The following RBM19 variants were observed in gnomAD, a reference collection of about 807,000 sequenced individuals.
RBM19 encodes RNA binding motif protein 19.
RBM19 carries 94 observed loss-of-function variants against 116.8 expected under a neutral mutation model. The ratio of observed to expected loss-of-function variants is 0.80; its 90% CI spans 0.68 to 0.95. The LOEUF (loss-of-function observed/expected upper bound fraction) is 0.95, where lower values mean the gene tolerates loss of function less well. Among genes scored for constraint, RBM19 ranks in the 40% least tolerant of loss-of-function variants. RBM19 has a pLI of 0.00. For missense variants in RBM19, 1,161 were observed against 1,220.7 expected (o/e 0.95, Z 0.73); for synonymous variants, 475 against 494.1 (o/e 0.96, Z 0.51).
At chr12:113,965,956 G>A (rs1183086858) in intron 1 of RBM19, among the ~76,000 whole-genome samples, 1 of 152,170 alleles carries the variant, frequency 6.6e-6, no homozygotes, top group Non-Finnish European at 1.5e-5. Flanking sequence ...CCGAGAAGAG[G>A]TGTGTTAGGA....
chr12:113,924,689 C>G lies in RBM19; in HGVS notation c.2305+8G>C. 6.5e-7 allele frequency: 1 copy of G among 1,536,312 alleles called. No individual in the cohort carries two copies. ...TACTGAACACTTTCCGAATTTCATGCGGAATACCTGCTTTGTTCTTCTTCT... is the reference window on the plus strand; with the variant it reads ...TACTGAACACTTTCCGAATTTCATGGGGAATACCTGCTTTGTTCTTCTTCT... On this transcript the variant is annotated splice_region_variant and intron_variant, in intron 18 of 23. Transcript: ENST00000261741.
chr12:113,891,137 G>A (rs994482616), intron 21 of RBM19, among the ~76,000 whole-genome samples: 8 of 152,048 alleles, frequency 5.3e-5, no homozygotes, highest in Non-Finnish European at 1.0e-4. Context: ...AACCCATGGG[G>A]CTATTTCCTA....
At chr12:113,940,484 C>T (rs1253993238) in intron 14 of RBM19, among the ~76,000 whole-genome samples, 2 of 152,188 alleles carry the variant, frequency 1.3e-5, no homozygotes, top group East Asian at 1.9e-4. Context: ...AGTACCAAGG[C>T]TTTTTTTCCT....
intron 23 of RBM19, among the ~76,000 whole-genome samples, chr12:113,826,258 G>A (rs1015090157): frequency 1.3e-5 from 2 of 152,200 alleles, no homozygotes; most frequent in Non-Finnish European, 1.5e-5. Flanking sequence ...CTCACTGTGT[G>A]TCATGTTTCC....
At chr12:113,947,944 G>A (rs1318870124) in intron 10 of RBM19, among the ~76,000 whole-genome samples, 2 of 152,178 alleles carry the variant, frequency 1.3e-5, no homozygotes, top group African/African-American at 2.4e-5. Context: ...ATCGACAAAT[G>A]CTTCTCCCCC....
At chr12:113,884,547 A>C (rs1221044797) in intron 21 of RBM19, among the ~76,000 whole-genome samples, 1 of 152,168 alleles carries the variant, frequency 6.6e-6, no homozygotes, top group African/African-American at 2.4e-5. Context: ...TATTCAGCCC[A>C]AGATGTGCCA....
chr12:113,952,148 T>G (rs545694113), intron 8 of RBM19, among the ~76,000 whole-genome samples: 2 of 151,024 alleles, frequency 1.3e-5, no homozygotes, highest in African/African-American at 4.8e-5. Flanking sequence ...ACACCACACA[T>G]GCTCAGCAAC....
rs370755441 is a variant in RBM19 at position 113,855,167 on chromosome 12, C to T, written c.2664+3624G>A. Among the ~76,000 whole-genome samples the T allele has an allele frequency of 3.8e-4, 58 of 152,294 alleles. No individual in the cohort carries two copies. The South Asian group carries it at 9.3e-3, about 25-fold the overall frequency. Reference sequence around the variant, plus strand: ...CCCCTCAGTTCGGGGACGGTGGAGACGGCATGTGCTCAGGGCCACAGCAGG... The same window carrying T: ...CCCCTCAGTTCGGGGACGGTGGAGATGGCATGTGCTCAGGGCCACAGCAGG... On this transcript the variant is annotated intron_variant, in intron 22 of 23. Transcript: ENST00000261741.
chr12:113,950,242 A>G, intron 8 of RBM19, 88 bp from the exon 9 acceptor site: 1 of 1,084,380 alleles, frequency 9.2e-7, no homozygotes, highest in South Asian at 1.4e-5. Context: ...CTGTGCTAGG[A>G]GCAGAAAGTG....
chr12:113,927,421 G>GA, intron 16 of RBM19, 192 bp from the exon 17 acceptor site: 2 of 628,348 alleles, frequency 3.2e-6, no homozygotes, highest in Non-Finnish European at 5.4e-6. Flanking sequence ...GAGACAGAGA[G>GA]AAAGTCCTGC....
chr12:113,960,834 C>T (rs540878608), intron 2 of RBM19, among the ~76,000 whole-genome samples: 3 of 152,278 alleles, frequency 2.0e-5, no homozygotes, highest in Admixed American at 2.0e-4. Context: ...ACTGGAGGGA[C>T]GGAAGAGTAC....
intron 22 of RBM19, among the ~76,000 whole-genome samples, chr12:113,848,205 G>A (rs1416511156): frequency 6.6e-6 from 1 of 152,244 alleles, no homozygotes; most frequent in African/African-American, 2.4e-5. Flanking sequence ...TTATTATGAT[G>A]ATGTATGCCT....
At chr12:113,871,705 G>A (rs1452541688) in intron 21 of RBM19, among the ~76,000 whole-genome samples, 2 of 152,234 alleles carry the variant, frequency 1.3e-5, no homozygotes, top group East Asian at 1.9e-4. Flanking sequence ...TAGGACAGGG[G>A]CAAACAGCAG....
chr12:113,946,523 G>C, intron 11 of RBM19, 48 bp from the exon 12 acceptor site: 1 of 1,611,550 alleles, frequency 6.2e-7, no homozygotes, highest in Admixed American at 1.7e-5. Context: ...TTGCCTGTAA[G>C]CCCTGCTTCC....
At chr12:113,865,340 G>A (rs1878720120) in intron 21 of RBM19, among the ~76,000 whole-genome samples, 1 of 152,166 alleles carries the variant, frequency 6.6e-6, no homozygotes, top group Non-Finnish European at 1.5e-5. Context: ...CCTCCTCAAA[G>A]AGGCCTTCTG....
At chr12:113,951,632 C>T (rs932225467) in intron 8 of RBM19, among the ~76,000 whole-genome samples, 2 of 152,180 alleles carry the variant, frequency 1.3e-5, no homozygotes, top group Non-Finnish European at 2.9e-5. Context: ...TAGGCAGAGC[C>T]CTTTACCCTG....
At chr12:113,901,002 GA>G (rs752066248) in intron 21 of RBM19, among the ~76,000 whole-genome samples, 12 of 152,188 alleles carry the variant, frequency 7.9e-5, no homozygotes, top group Non-Finnish European at 1.3e-4. Flanking sequence ...GAGAGACACA[GA>G]TAGACAGAAG....
chr12:113,949,034 C>G lies in RBM19; in HGVS notation c.1075G>C (p.Gly359Arg), dbSNP rs920669105. ...ALKCNREYMG[G>R]RYIEVFREKN... ...TCCCTGAACACCTCGATGTAGCGCC[C>G]ACCTGCAATGAAGAGGAGTCAGGGC... The change falls in exon 10 of 24, where the codon GGG (glycine) becomes CGG (arginine). Residue 359 changes from glycine to arginine, a missense_variant and splice_region_variant. By Grantham distance (125) the Gly-to-Arg change is moderately radical. Coordinates refer to ENST00000261741, the MANE Select transcript of RBM19 (RefSeq NM_016196.4). The G allele has an allele frequency of 6.2e-7, 1 of 1,612,012 alleles. No homozygotes were observed. Among genetic ancestry groups the G allele is most frequent in the African/African-American group, 1.3e-5 (1 of 74,876 alleles).
intron 16 of RBM19, among the ~76,000 whole-genome samples, chr12:113,933,844 G>A (rs1869827191): frequency 6.6e-6 from 1 of 152,226 alleles, no homozygotes; most frequent in African/African-American, 2.4e-5. Context: ...CCTGGGGAAG[G>A]GGGTCTGTGC....
Sources: gnomAD v4.1 joint callset for allele counts (sites outside exome capture counted in the v4.1 genomes callset) on GRCh38, gnomAD v4.1.1 for gene constraint, MANE v1.5 for transcripts, NCBI Gene and HGNC (gene_info 2026-07-23, HGNC 2026-07-21) for gene names.